The following ARMH3 variants were observed in gnomAD, a reference collection of about 807,000 sequenced individuals.
ARMH3 encodes the protein armadillo like helical domain containing 3.
A neutral mutation model predicts 99.1 loss-of-function variants in ARMH3; 60 were observed. The ratio of observed to expected loss-of-function variants is 0.61; its 90% CI spans 0.49 to 0.75. ARMH3 has a LOEUF of 0.75. Ranked by LOEUF, ARMH3 falls within the 30% of genes least tolerant of loss-of-function variation. ARMH3 has a pLI of 0.00. For synonymous variants in ARMH3, 285 were observed against 292.8 expected (o/e 0.97, Z 0.27); for missense variants, 679 against 843.1 (o/e 0.81, Z 2.41).
At chr10:101,963,141 G>A (rs1381465354) in intron 20 of ARMH3, among the ~76,000 whole-genome samples, 1 of 125,102 alleles carries the variant, frequency 8.0e-6, no homozygotes, top group East Asian at 2.8e-4. Context: ...GGATAATTTT[G>A]CATTTTTTTT....
chr10:101,928,356 TAGTC>T (rs2135648732), intron 23 of ARMH3, among the ~76,000 whole-genome samples: 1 of 152,338 alleles, frequency 6.6e-6, no homozygotes, highest in East Asian at 1.9e-4. Flanking sequence ...ATCTTTTTCA[TAGTC>T]AGGTAGCTTG....
intron 4 of ARMH3, 137 bp from the exon 5 acceptor site, chr10:102,029,882 G>C (rs2136195547): frequency 1.1e-6 from 1 of 890,734 alleles, no homozygotes; most frequent in African/African-American, 1.7e-5. Context: ...AACACAGTCT[G>C]AGTTTTTTTG....
chr10:101,951,963 A>ACAG (rs1425052612), intron 22 of ARMH3, among the ~76,000 whole-genome samples: 1 of 152,096 alleles, frequency 6.6e-6, no homozygotes, highest in African/African-American at 2.4e-5. Context: ...AGGAATAAGA[A>ACAG]CAGCAGCAGC....
chr10:101,991,913 T>A lies in ARMH3; in HGVS notation c.1345+56A>T. 3 of 1,472,502 alleles carry A rather than the reference T, an allele frequency of 2.0e-6. No homozygotes were observed. In the Admixed American group the frequency reaches 5.1e-5, roughly 25 times the overall value. The allele number at this position is 1,472,502 out of a possible 1,614,324, so 91.2% of individuals were successfully genotyped here. On this transcript the variant is annotated intron_variant, in intron 18 of 25. Transcript: ENST00000370033. ...AAACAGGTTCTACTCTTCATCTTCA[T>A]CATGAAAGCCTATCGCTGTCACAGA...
intron 1 of ARMH3, among the ~76,000 whole-genome samples, chr10:102,053,605 CAA>C (rs970872009): frequency 6.6e-5 from 10 of 151,986 alleles, no homozygotes; most frequent in African/African-American, 2.4e-4. Flanking sequence ...CTCCCCCCTG[CAA>C]AGATTTCCCT....
At chr10:101,909,463 CTTTTTTTTTTTTTT>C (rs61122631) in intron 23 of ARMH3, among the ~76,000 whole-genome samples, 4 of 71,714 alleles carry the variant, frequency 5.6e-5, no homozygotes, top group Non-Finnish European at 9.6e-5. Context: ...CAAGCTTCCT[CTTTTTTTTTTTTTT>C]TTTTTTTTTT....
At chr10:101,981,699 A>G (rs1846239464) in intron 19 of ARMH3, among the ~76,000 whole-genome samples, 1 of 151,776 alleles carries the variant, frequency 6.6e-6, no homozygotes. Context: ...TTTAGTAAAA[A>G]CTATTTAAAC....
chr10:102,047,502 TGA>T (rs899761237), intron 1 of ARMH3, among the ~76,000 whole-genome samples: 2 of 150,980 alleles, frequency 1.3e-5, no homozygotes, highest in African/African-American at 4.9e-5. Flanking sequence ...TTTTTTTTTT[TGA>T]GAGACAACCT....
chr10:101,963,874 CTTTCT>C, intron 20 of ARMH3, among the ~76,000 whole-genome samples: 1 of 146,534 alleles, frequency 6.8e-6, no homozygotes, highest in African/African-American at 2.5e-5. Flanking sequence ...TTCTCTTTTT[CTTTCT>C]TTTTTTTTTT....
chr10:101,855,061 C>CT (rs36174325), intron 24 of ARMH3, among the ~76,000 whole-genome samples: 280 of 9,784 alleles, frequency 0.029, 6 homozygotes, highest in Middle Eastern at 0.17. Flanking sequence ...ACTGTCTATT[C>CT]TTTTTTTTTT....
At chr10:101,851,594 C>T (rs537632827) in intron 24 of ARMH3, among the ~76,000 whole-genome samples, 3 of 152,294 alleles carry the variant, frequency 2.0e-5, no homozygotes, top group South Asian at 4.1e-4. Context: ...CTGCACTGTT[C>T]CCTGCACCAG....
At chr10:102,019,820 C>G (rs1319657652) in intron 8 of ARMH3, among the ~76,000 whole-genome samples, 1 of 151,126 alleles carries the variant, frequency 6.6e-6, no homozygotes, top group Non-Finnish European at 1.5e-5. Flanking sequence ...CCCAGCTACT[C>G]CGGAGGCTGA....
chr10:102,001,169 C>T (rs2066354095), intron 15 of ARMH3, among the ~76,000 whole-genome samples: 1 of 152,016 alleles, frequency 6.6e-6, no homozygotes, highest in African/African-American at 2.4e-5. Context: ...CTAAATAGTA[C>T]ATTTAAATAT....
chr10:102,032,906 A>T, intron 4 of ARMH3, 120 bp downstream of exon 4: 1 of 1,138,310 alleles, frequency 8.8e-7, no homozygotes, highest in Non-Finnish European at 1.2e-6. Context: ...TTGGTAACTT[A>T]CAGAAATAAA....
chr10:101,849,857 G>A lies in ARMH3; in HGVS notation c.1896C>T (p.Leu632=). 6.2e-7 allele frequency: 1 copy of A among 1,614,148 alleles called. No individual in the cohort carries two copies. The highest frequency in any genetic ancestry group is 8.5e-7 in the Non-Finnish European group (1 of 1,180,038). The change falls in exon 25 of 26, where the codon CTC becomes CTT. Residue 632 remains leucine, a synonymous_variant. Coordinates refer to ENST00000370033, the MANE Select transcript of ARMH3 (RefSeq NM_024541.3). ...CCAGGCCATCCTGCAGCTTCAGCGT[G>A]AGCGTGTCATAGTTGGCTCTCACCA... ...LEVVRANYDT[L]TLKLQDGLDQ... is the part of the protein sequence containing the mutation.
intron 23 of ARMH3, among the ~76,000 whole-genome samples, chr10:101,917,778 A>C (rs1843145234): frequency 6.6e-6 from 1 of 152,176 alleles, no homozygotes; most frequent in Non-Finnish European, 1.5e-5. Flanking sequence ...AACACCTCCA[A>C]ATCAGTATGA....
Position 102,009,900 on chromosome 10 carries a change from A to C in ARMH3, c.878+77T>G, listed in dbSNP as rs376296373. 65 of 1,336,338 alleles carry C rather than the reference A, an allele frequency of 4.9e-5. No individual in the cohort carries two copies. In the African/African-American group the frequency reaches 8.6e-4, roughly 18 times the overall value. The allele number at this position is 1,336,338 out of a possible 1,614,324, so 82.8% of individuals were successfully genotyped here. A position where few individuals can be genotyped will look rare whatever the true frequency, so the allele number is the denominator to read the frequency against. ...TTCTGTAAAAGATTAGCAAGAGGTA[A>C]CACTGCACACTCTCATATCCAGCAG... On this transcript the variant is annotated intron_variant, in intron 12 of 25. Transcript: ENST00000370033.
intron 23 of ARMH3, among the ~76,000 whole-genome samples, chr10:101,913,572 C>T (rs1181505643): frequency 5.9e-5 from 9 of 151,804 alleles, no homozygotes; most frequent in Non-Finnish European, 1.0e-4. Context: ...TTGTATGTTG[C>T]CAGGGCTGAT....
chr10:101,990,468 G>A (rs1846739842), intron 19 of ARMH3, 83 bp downstream of exon 19: 2 of 1,150,248 alleles, frequency 1.7e-6, no homozygotes, highest in African/African-American at 3.1e-5. Flanking sequence ...ATGGCGCCCG[G>A]CCTACACAGA....
Sources: gnomAD v4.1 joint callset for allele counts (sites outside exome capture counted in the v4.1 genomes callset) on GRCh38, gnomAD v4.1.1 for gene constraint, MANE v1.5 for transcripts, NCBI Gene and HGNC (gene_info 2026-07-23, HGNC 2026-07-21) for gene names.